The following THSD7A variants were observed in gnomAD, a reference collection of about 807,000 sequenced individuals.
THSD7A encodes thrombospondin type 1 domain containing 7A.
In THSD7A, 96 loss-of-function variants were observed where a neutral mutation model predicts 231.3. The observed-to-expected ratio is 0.41, with a 90% CI of 0.35 to 0.49. The LOEUF is 0.49. Ranked by LOEUF, THSD7A falls within the 20% of genes least tolerant of loss-of-function variation. The pLI, the probability that THSD7A is intolerant of heterozygous loss-of-function variation, is 0.05. For synonymous variants in THSD7A, 940 were observed against 743.3 expected (o/e 1.26, Z -4.30); for missense variants, 2,290 against 2,070.2 (o/e 1.11, Z -2.06).
intron 13 of THSD7A, among the ~76,000 whole-genome samples, chr7:11,435,974 T>C (rs1282492211): frequency 6.6e-6 from 1 of 152,064 alleles, no homozygotes; most frequent in Non-Finnish European, 1.5e-5. Context: ...TTCAAATATA[T>C]ATTTTGTTAA....
intron 4 of THSD7A, among the ~76,000 whole-genome samples, chr7:11,567,479 C>G (rs1424269003): frequency 6.6e-6 from 1 of 152,140 alleles, no homozygotes; most frequent in African/African-American, 2.4e-5. Context: ...GACACGAAGC[C>G]TAACCATATC....
At chr7:11,776,380 A>G (rs2128173111) in intron 1 of THSD7A, among the ~76,000 whole-genome samples, 1 of 152,366 alleles carries the variant, frequency 6.6e-6, no homozygotes, top group East Asian at 1.9e-4. Context: ...AATGCCTGCA[A>G]GGAAAATGTT....
chr7:11,413,766 T>C (rs1038944322), intron 17 of THSD7A: 3 of 152,214 alleles, frequency 2.0e-5, no homozygotes, highest in African/African-American at 4.8e-5. Context: ...CTATAGTAGA[T>C]TGGCCTTTGA....
intron 1 of THSD7A, among the ~76,000 whole-genome samples, chr7:11,663,814 CTATA>C (rs1208310967): frequency 6.6e-6 from 1 of 151,486 alleles, no homozygotes; most frequent in South Asian, 2.1e-4. Context: ...GGATATAAGA[CTATA>C]TATACAAGAA....
intron 8 of THSD7A, among the ~76,000 whole-genome samples, chr7:11,471,768 G>A (rs1785949297): frequency 6.6e-6 from 1 of 152,002 alleles, no homozygotes; most frequent in African/African-American, 2.4e-5. Context: ...TAAATCAGTA[G>A]AATTACAATT....
intron 14 of THSD7A, among the ~76,000 whole-genome samples, chr7:11,427,027 G>C (rs995097567): frequency 2.6e-5 from 4 of 152,116 alleles, no homozygotes; most frequent in African/African-American, 9.7e-5. Context: ...TCAATGTACT[G>C]TTGTCTATCA....
intron 2 of THSD7A, among the ~76,000 whole-genome samples, chr7:11,607,074 C>T (rs1489378625): frequency 6.6e-6 from 1 of 151,930 alleles, no homozygotes; most frequent in East Asian, 1.9e-4. Flanking sequence ...GCATTTTTCA[C>T]ATATGCTAAG....
At chr7:11,408,503 T>TAAA (rs11372558) in intron 19 of THSD7A, among the ~76,000 whole-genome samples, 1 of 135,346 alleles carries the variant, frequency 7.4e-6, no homozygotes, top group Non-Finnish European at 1.6e-5. Flanking sequence ...GTCTCCAAAA[T>TAAA]AAAAAAAAAA....
At chr7:11,744,276 T>G (rs1406960969) in intron 1 of THSD7A, among the ~76,000 whole-genome samples, 1 of 151,794 alleles carries the variant, frequency 6.6e-6, no homozygotes, top group African/African-American at 2.4e-5. Flanking sequence ...ACATACTGAC[T>G]GATGTACCAA....
chr7:11,830,726 C>G (rs1221282829), intron 1 of THSD7A, among the ~76,000 whole-genome samples: 1 of 152,164 alleles, frequency 6.6e-6, no homozygotes, highest in Non-Finnish European at 1.5e-5. Flanking sequence ...GCTGTCTCTT[C>G]AGTAGTGGTG....
intron 23 of THSD7A, among the ~76,000 whole-genome samples, chr7:11,393,351 C>A (rs952814278): frequency 4.6e-5 from 7 of 152,178 alleles, no homozygotes; most frequent in African/African-American, 1.7e-4. Context: ...CACTCAGAGA[C>A]CCCGAACTGA....
intron 2 of THSD7A, among the ~76,000 whole-genome samples, chr7:11,603,987 T>C (rs1360488330): frequency 6.6e-6 from 1 of 150,704 alleles, no homozygotes; most frequent in Non-Finnish European, 1.5e-5. Flanking sequence ...ATGTAACTAA[T>C]CTGCACAATG....
chr7:11,546,694 C>G (rs55691004), intron 4 of THSD7A, among the ~76,000 whole-genome samples: 78,780 of 151,826 alleles, frequency 0.52, 20,599 homozygotes, highest in Admixed American at 0.61. Context: ...TGCACTAGTT[C>G]CCCAGCACTG....
intron 19 of THSD7A, among the ~76,000 whole-genome samples, chr7:11,410,230 T>G (rs1282648191): frequency 6.6e-6 from 1 of 150,790 alleles, no homozygotes; most frequent in Non-Finnish European, 1.5e-5. Context: ...ATGTGGGTGC[T>G]CTGCTCTCAT....
rs118046591 is a variant in THSD7A, at chr7:11,675,906, G to A, written c.191-38945C>T. Among the ~76,000 whole-genome samples the A allele has an allele frequency of 2.1e-3, 325 of 152,290 alleles. 7 individuals are homozygous for A. The East Asian group carries it at 0.045, about 21-fold the overall frequency. On this transcript the variant is annotated intron_variant, in intron 1 of 27. Coordinates refer to ENST00000423059, the MANE Select transcript of THSD7A (RefSeq NM_015204.3). ...AAATGGATCTCCCAGCACAGCGCTG[G>A]AGCTCTGCTAAGGGATAGACTAACT... is the stretch of plus-strand genomic sequence containing the variant.
At chr7:11,757,893 C>T (rs1026841119) in intron 1 of THSD7A, among the ~76,000 whole-genome samples, 10 of 150,846 alleles carry the variant, frequency 6.6e-5, no homozygotes, top group African/African-American at 2.2e-4. Flanking sequence ...GGAACATAGG[C>T]TTAATTAAAA....
Position 11,505,186 on chromosome 7 carries a change from A to T in THSD7A, c.1823-23204T>A, listed in dbSNP as rs190298685. The stretch of plus-strand genomic sequence containing the variant: ...ATTATGTTTTGAAAGGAAAATCTGG[A>T]TATTCTAAATACTAGAAGACTAAAA... On this transcript the variant is annotated intron_variant, in intron 6 of 27. Coordinates refer to ENST00000423059, the MANE Select transcript of THSD7A (RefSeq NM_015204.3). Among the ~76,000 whole-genome samples, 493 of 152,312 alleles carry T rather than the reference A, an allele frequency of 3.2e-3. 3 individuals are homozygous for T. The highest frequency in any genetic ancestry group is 0.011 in the African/African-American group (459 of 41,576).
intron 6 of THSD7A, among the ~76,000 whole-genome samples, chr7:11,516,462 G>A (rs767919000): frequency 1.4e-4 from 21 of 152,246 alleles, no homozygotes; most frequent in Admixed American, 2.6e-4. Flanking sequence ...GTACTTCATG[G>A]CTATATTATA....
At chr7:11,780,070 T>G (rs974885319) in intron 1 of THSD7A, among the ~76,000 whole-genome samples, 15 of 152,354 alleles carry the variant, frequency 9.8e-5, no homozygotes, top group African/African-American at 3.4e-4. Context: ...ACTGCAGATC[T>G]GATGTCTGGT....
Sources: gnomAD v4.1 joint callset for allele counts (sites outside exome capture counted in the v4.1 genomes callset) on GRCh38, gnomAD v4.1.1 for gene constraint, MANE v1.5 for transcripts, NCBI Gene and HGNC (gene_info 2026-07-23, HGNC 2026-07-21) for gene names.